The following STX12 variants were observed in gnomAD, a reference collection of about 807,000 sequenced individuals.
The protein encoded by STX12 is syntaxin 12.
A neutral mutation model predicts 42.2 loss-of-function variants in STX12; 17 were observed. That is an observed-to-expected ratio of 0.40 (90% CI 0.28 to 0.60). STX12 has a LOEUF of 0.60. Among genes scored for constraint, STX12 ranks in the 20% least tolerant of loss-of-function variants. STX12 has a pLI of 0.39. For synonymous variants in STX12, 108 were observed against 116.7 expected, an observed-to-expected ratio of 0.93 and a Z score of 0.48; for missense variants, 297 against 330.9, an observed-to-expected ratio of 0.90 and a Z score of 0.79.
At chr1:27,783,306 A>G (rs2088680323) in intron 1 of STX12, among the ~76,000 whole-genome samples, 1 of 152,040 alleles carries the variant, frequency 6.6e-6, no homozygotes, top group Non-Finnish European at 1.5e-5. Context: ...GCGATAGGAG[A>G]AATTGAGTCC....
At chr1:27,775,553 T>G (rs1557796311) in intron 1 of STX12, among the ~76,000 whole-genome samples, 1 of 152,226 alleles carries the variant, frequency 6.6e-6, no homozygotes. Context: ...ATTACAGGCA[T>G]GAATCATCAT....
chr1:27,800,602 C>A (rs1272718411), intron 3 of STX12, among the ~76,000 whole-genome samples: 2 of 151,970 alleles, frequency 1.3e-5, no homozygotes, highest in Non-Finnish European at 2.9e-5. Context: ...GATTTCAACT[C>A]ACTGCAGCCT....
intron 6 of STX12, among the ~76,000 whole-genome samples, 191 bp from the exon 7 acceptor site, chr1:27,817,660 A>G (rs57575116): frequency 0.12 from 18,844 of 152,210 alleles, 3,885 homozygotes; most frequent in African/African-American, 0.43. Context: ...TTGCTTGAAG[A>G]GTGAGTTTAT....
At chr1:27,808,430 C>T (rs1369534328) in intron 4 of STX12, among the ~76,000 whole-genome samples, 1 of 151,600 alleles carries the variant, frequency 6.6e-6, no homozygotes, top group Non-Finnish European at 1.5e-5. Context: ...CAACCTCTGC[C>T]TTCTAGGTTC....
chr1:27,776,678 C>T (rs947052090), intron 1 of STX12, among the ~76,000 whole-genome samples: 23 of 152,196 alleles, frequency 1.5e-4, no homozygotes, highest in Admixed American at 1.5e-3. Flanking sequence ...GATTATGCCA[C>T]TGTACTGCAG....
chr1:27,819,142 A>G (rs2088965383), intron 7 of STX12, among the ~76,000 whole-genome samples: 1 of 151,588 alleles, frequency 6.6e-6, no homozygotes, highest in South Asian at 2.1e-4. Flanking sequence ...AGTAACATGC[A>G]CCTGTAGTCC....
At chr1:27,799,198 T>C (rs1233849437) in intron 3 of STX12, among the ~76,000 whole-genome samples, 1 of 152,202 alleles carries the variant, frequency 6.6e-6, no homozygotes. Context: ...TTCTTGACTT[T>C]ATCTCTCTTT....
intron 4 of STX12, among the ~76,000 whole-genome samples, chr1:27,806,833 C>CT (rs1448986130): frequency 6.6e-6 from 1 of 152,110 alleles, no homozygotes; most frequent in Non-Finnish European, 1.5e-5. Context: ...CAAGGCATGT[C>CT]TTACATGGTG....
intron 1 of STX12, among the ~76,000 whole-genome samples, chr1:27,777,116 G>A (rs1008431401): frequency 5.3e-5 from 8 of 152,042 alleles, no homozygotes; most frequent in Non-Finnish European, 1.5e-5. Context: ...ACACACATAC[G>A]TACATACACA....
chr1:27,795,408 C>T (rs368342436), intron 3 of STX12, among the ~76,000 whole-genome samples: 12 of 151,778 alleles, frequency 7.9e-5, no homozygotes, highest in African/African-American at 2.7e-4. Context: ...CAGGTTCAAG[C>T]GATTCTCCTG....
intron 4 of STX12, among the ~76,000 whole-genome samples, chr1:27,807,895 G>C (rs2088873953): frequency 6.6e-6 from 1 of 152,054 alleles, no homozygotes; most frequent in Non-Finnish European, 1.5e-5. Flanking sequence ...AGATGGATCT[G>C]GCATAATCTG....
At chr1:27,813,417 C>G (rs1214350156) in intron 6 of STX12, among the ~76,000 whole-genome samples, 1 of 152,174 alleles carries the variant, frequency 6.6e-6, no homozygotes, top group African/African-American at 2.4e-5. Flanking sequence ...CTCAAGTGAT[C>G]TGCCTGCTTC....
chr1:27,799,855 A>G (rs2088815528), intron 3 of STX12, among the ~76,000 whole-genome samples: 1 of 152,114 alleles, frequency 6.6e-6, no homozygotes, highest in Admixed American at 6.6e-5. Context: ...TGGTTCAAGC[A>G]ATTCTCCTGC....
chr1:27,812,588 T>A (rs941851541), intron 6 of STX12, among the ~76,000 whole-genome samples: 2 of 152,106 alleles, frequency 1.3e-5, no homozygotes, highest in African/African-American at 4.8e-5. Context: ...ATTACAGGCA[T>A]GTGCCACCAC....
intron 1 of STX12, among the ~76,000 whole-genome samples, chr1:27,780,617 C>CG (rs1276322940): frequency 2.0e-5 from 3 of 152,140 alleles, no homozygotes; most frequent in African/African-American, 7.2e-5. Flanking sequence ...TTTTCCCTGC[C>CG]GTGTGTAACC....
intron 1 of STX12, among the ~76,000 whole-genome samples, chr1:27,779,419 C>T (rs1266483854): frequency 6.6e-6 from 1 of 151,856 alleles, no homozygotes; most frequent in East Asian, 1.9e-4. Flanking sequence ...CTGTAACATC[C>T]ACCTCCTGGG....
In STX12 at chr1:27,779,290, G is replaced by A. The variant is rs545904990; in HGVS notation, c.118+5865G>A. On this transcript the variant is annotated intron_variant, in intron 1 of 8. Coordinates refer to ENST00000373943, the MANE Select transcript of STX12 (RefSeq NM_177424.3). ...GCTCACTTCCTCAAGAGCCTAAAGTGGCTCTCTGTTGTCTATTGAATCAGA... is the reference window on the plus strand; with the variant it reads ...GCTCACTTCCTCAAGAGCCTAAAGTAGCTCTCTGTTGTCTATTGAATCAGA... Among the ~76,000 whole-genome samples the A allele has an allele frequency of 2.0e-5, 3 of 151,868 alleles. No homozygotes were observed. In the South Asian group the frequency reaches 6.3e-4, roughly 32 times the overall value.
intron 1 of STX12, among the ~76,000 whole-genome samples, chr1:27,779,343 G>GT (rs557848101): frequency 0.1 from 14,541 of 143,908 alleles, 2,293 homozygotes; most frequent in African/African-American, 0.36. Flanking sequence ...GTTTTTTTTT[G>GT]TTTTTTTTTG....
intron 1 of STX12, among the ~76,000 whole-genome samples, chr1:27,788,263 A>G (rs927478963): frequency 2.0e-5 from 3 of 152,228 alleles, no homozygotes; most frequent in African/African-American, 4.8e-5. Context: ...TCCAACCTCT[A>G]TGAATGAATA....
Sources: gnomAD v4.1 joint callset for allele counts (sites outside exome capture counted in the v4.1 genomes callset) on GRCh38, gnomAD v4.1.1 for gene constraint, MANE v1.5 for transcripts, NCBI Gene and HGNC (gene_info 2026-07-23, HGNC 2026-07-21) for gene names.